The following LAMTOR4 variants were observed in gnomAD, a reference collection of about 807,000 sequenced individuals.
LAMTOR4 encodes the protein ragulator complex protein LAMTOR4.
LAMTOR4 carries 11 observed loss-of-function variants against 13.5 expected under a neutral mutation model. The observed-to-expected ratio is 0.82, with a 90% CI of 0.51 to 1.35. LAMTOR4 has a LOEUF of 1.35. Among genes scored for constraint, LAMTOR4 ranks in the 40% most tolerant of loss-of-function variants. The pLI, the probability that LAMTOR4 is intolerant of heterozygous loss-of-function variation, is 0.00. For synonymous variants in LAMTOR4, 69 were observed against 52.3 expected (o/e 1.32, Z -1.38); for missense variants, 128 against 126.2 (o/e 1.01, Z -0.07).
At chr7:100,152,382 A>G (rs938798082) in intron 2 of LAMTOR4, among the ~76,000 whole-genome samples, 1 of 149,558 alleles carries the variant, frequency 6.7e-6, no homozygotes, top group Non-Finnish European at 1.5e-5. Context: ...AGCCTGGGTG[A>G]TAGAGTGAGA....
At chr7:100,149,072 C>A in intron 1 of LAMTOR4, 97 bp downstream of exon 1, 2 of 1,443,100 alleles carry the variant, frequency 1.4e-6, no homozygotes, top group Non-Finnish European at 1.9e-6. Flanking sequence ...GCGCTCCACC[C>A]TCACCTCCTA....
intron 2 of LAMTOR4, among the ~76,000 whole-genome samples, chr7:100,150,495 T>G (rs1054745195): frequency 6.6e-6 from 1 of 152,018 alleles, no homozygotes; most frequent in East Asian, 1.9e-4. Flanking sequence ...TTTGGGAAGG[T>G]TTGAGGGAAG....
chr7:100,152,899 A>G (rs1213866931), intron 2 of LAMTOR4: 1 of 157,488 alleles, frequency 6.3e-6, no homozygotes. Flanking sequence ...CACGTCTGTA[A>G]TCCCAGCATT....
Position 100,149,588 on chromosome 7 carries a change from T to C in LAMTOR4, c.84+9T>C. ...AAGGTGCAGTGCTGGCGGTGCGTTCTGGGAAAGGGAGGGGGTCCCTTAGTG... is the reference window on the plus strand; with the variant it reads ...AAGGTGCAGTGCTGGCGGTGCGTTCCGGGAAAGGGAGGGGGTCCCTTAGTG... On this transcript the variant is annotated intron_variant, in intron 2 of 3. Transcript: ENST00000341942. 6.2e-7 allele frequency: 1 copy of C among 1,612,052 alleles called. No individual in the cohort carries two copies. The highest frequency in any genetic ancestry group is 8.5e-7 in the Non-Finnish European group (1 of 1,178,274).
Position 100,153,470 on chromosome 7 carries a change from G to A in LAMTOR4, c.155G>A (p.Gly52Asp), listed in dbSNP as rs758972020. ...AISELVSTAC[G>D]FRLHRGMNVP... ...TCTGAGCTGGTCAGCACAGCCTGCG[G>A]TTTCCGGCTGCACCGCGGCATGAAT... is the stretch of plus-strand genomic sequence containing the variant. Residue 52 changes from glycine to aspartate, a missense_variant, in exon 3 of 4, where the codon GGT (glycine) becomes GAT (aspartate). Coordinates refer to ENST00000341942, the MANE Select transcript of LAMTOR4 (RefSeq NM_001008395.4). 6.2e-7 allele frequency: 1 copy of A among 1,609,948 alleles called. No individual in the cohort carries two copies. The highest frequency in any genetic ancestry group is 1.3e-5 in the African/African-American group (1 of 74,938).
chr7:100,151,062 T>C (rs1798683499), intron 2 of LAMTOR4, among the ~76,000 whole-genome samples: 1 of 151,626 alleles, frequency 6.6e-6, no homozygotes, highest in Non-Finnish European at 1.5e-5. Context: ...GAGAAGAGTT[T>C]TGTTTTTGTT....
chr7:100,149,828 T>G, intron 2 of LAMTOR4: 3 of 364,652 alleles, frequency 8.2e-6, no homozygotes, highest in Non-Finnish European at 5.2e-6. Context: ...CAAGCTGGAG[T>G]GCAGTGGTGC....
Position 100,150,133 on chromosome 7 carries a change from G to T in LAMTOR4, c.84+554G>T, listed in dbSNP as rs532621600. Among the ~76,000 whole-genome samples the T allele has an allele frequency of 7.2e-5, 11 of 152,196 alleles. No homozygotes were observed. The South Asian group carries it at 2.3e-3, about 32-fold the overall frequency. ...ATTTTGTTCCATAGTACTGTATGGT[G>T]TTAGGTCTCTAGATTACAGGCGTGA... On this transcript the variant is annotated intron_variant, in intron 2 of 3. Transcript: ENST00000341942.
chr7:100,150,982 C>G (rs1798680275), intron 2 of LAMTOR4, among the ~76,000 whole-genome samples: 1 of 149,030 alleles, frequency 6.7e-6, no homozygotes, highest in African/African-American at 2.5e-5. Context: ...GAGCAAGACT[C>G]CGTCTCAAAA....
chr7:100,153,916 G>A lies in LAMTOR4; in HGVS notation c.252G>A (p.Val84=). 5 of 1,596,144 alleles carry A rather than the reference G, an allele frequency of 3.1e-6. No homozygotes were observed. The highest frequency in any genetic ancestry group is 2.3e-5 in the East Asian group (1 of 44,338). The change falls in exon 4 of 4, where the codon GTG becomes GTA. Residue 84 remains valine (V), a synonymous_variant. Coordinates refer to ENST00000341942, the MANE Select transcript of LAMTOR4 (RefSeq NM_001008395.4). ...TLLVTVSGQR[V]FVVKRQNRGR... is the part of the protein sequence containing the mutation. Reference sequence around the variant, plus strand: ...TGGTGACGGTGTCAGGACAGAGGGTGTTTGTGGTGAAGAGGCAGAACCGAG... The same window carrying A: ...TGGTGACGGTGTCAGGACAGAGGGTATTTGTGGTGAAGAGGCAGAACCGAG...
At chr7:100,153,372 C>G in intron 2 of LAMTOR4, 28 bp from the exon 3 acceptor site, 1 of 1,501,014 alleles carries the variant, frequency 6.7e-7, no homozygotes, top group Non-Finnish European at 9.2e-7. Flanking sequence ...GTAATGCCCG[C>G]CCCTCTCCCT....
chr7:100,149,373 G>A (rs971410557), intron 1 of LAMTOR4, 126 bp from the exon 2 acceptor site: 1 of 730,420 alleles, frequency 1.4e-6, no homozygotes. Context: ...GCCGGGAAGG[G>A]ACCTGGCTGG....
At chr7:100,152,396 T>C (rs1798731255) in intron 2 of LAMTOR4, among the ~76,000 whole-genome samples, 1 of 129,452 alleles carries the variant, frequency 7.7e-6, no homozygotes, top group Non-Finnish European at 1.7e-5. Context: ...AGTGAGACTC[T>C]GTCTCAAAAA....
At chr7:100,153,830 C>T (rs1382365229) in intron 3 of LAMTOR4, 37 bp from the exon 4 acceptor site, 2 of 1,452,620 alleles carry the variant, frequency 1.4e-6, no homozygotes, top group South Asian at 2.4e-5. Context: ...GCTCCCTTCC[C>T]TCTCCTGGGG....
chr7:100,149,132 A>C, intron 1 of LAMTOR4, 157 bp downstream of exon 1: 1 of 958,944 alleles, frequency 1.0e-6, no homozygotes. Flanking sequence ...GGCGACGAGA[A>C]TGCTGGGGAG....
chr7:100,153,031 G>A lies in LAMTOR4; in HGVS notation c.85-369G>A, dbSNP rs540881221. Among the ~76,000 whole-genome samples, 5 of 151,932 alleles carry A rather than the reference G, an allele frequency of 3.3e-5. No homozygotes were observed. In the East Asian group the frequency reaches 7.8e-4, roughly 24 times the overall value. On this transcript the variant is annotated intron_variant, in intron 2 of 3. Coordinates refer to ENST00000341942, the MANE Select transcript of LAMTOR4 (RefSeq NM_001008395.4). ...TAGCTAGATGTGGTGGTGCTGGTAC[G>A]TGCCTGTAATCTCAGCTATTTGGGA...
chr7:100,151,674 C>T (rs971832999), intron 2 of LAMTOR4, among the ~76,000 whole-genome samples: 1 of 151,698 alleles, frequency 6.6e-6, no homozygotes, highest in African/African-American at 2.4e-5. Flanking sequence ...AGGTGTGAGC[C>T]ACAGCACCCC....
intron 1 of LAMTOR4, 83 bp from the exon 2 acceptor site, chr7:100,149,416 A>G (rs1798630963): frequency 3.2e-6 from 3 of 945,914 alleles, no homozygotes; most frequent in African/African-American, 3.2e-5. Flanking sequence ...TCGTCAACCC[A>G]GAGACTTGGG....
intron 1 of LAMTOR4, 149 bp from the exon 2 acceptor site, chr7:100,149,349 GT>G: frequency 1.4e-6 from 1 of 695,066 alleles, no homozygotes; most frequent in Non-Finnish European, 2.6e-6. Flanking sequence ...TGAGGACCAT[GT>G]AGGGGGGAGG....
Sources: gnomAD v4.1 joint callset for allele counts (sites outside exome capture counted in the v4.1 genomes callset) on GRCh38, gnomAD v4.1.1 for gene constraint, MANE v1.5 for transcripts, NCBI Gene and HGNC (gene_info 2026-07-23, HGNC 2026-07-21) for gene names.